The following GNG2 variants were observed in gnomAD, a reference collection of about 807,000 sequenced individuals.
GNG2 encodes the protein guanine nucleotide-binding protein G(I)/G(S)/G(O) subunit gamma-2.
Under a neutral mutation model 5.5 loss-of-function variants are expected in GNG2, and 5 were observed. The ratio of observed to expected loss-of-function variants is 0.91; its 90% CI spans 0.48 to 1.92. The LOEUF (loss-of-function observed/expected upper bound fraction) is 1.92. GNG2 is among the 30% of genes most tolerant of loss of function. GNG2 has a pLI of 0.01. For missense variants in GNG2, 55 were observed against 88.4 expected, an observed-to-expected ratio of 0.62 and a Z score of 1.52; for synonymous variants, 28 against 32.0, an observed-to-expected ratio of 0.88 and a Z score of 0.42.
At chr14:51,927,484 A>C (rs776569207) in intron 2 of GNG2, among the ~76,000 whole-genome samples, 16 of 152,376 alleles carry the variant, frequency 1.1e-4, no homozygotes, top group Non-Finnish European at 1.9e-4. Context: ...TTCTCTCTGA[A>C]AAACAAAAAA....
chr14:51,834,615 T>C (rs1160083760), intron 2 of GNG2, among the ~76,000 whole-genome samples: 1 of 152,230 alleles, frequency 6.6e-6, no homozygotes, highest in East Asian at 1.9e-4. Context: ...TGGGTAAGGA[T>C]AGGCACTTGC....
chr14:51,871,255 A>G (rs145086604), intron 1 of GNG2, among the ~76,000 whole-genome samples: 1 of 152,146 alleles, frequency 6.6e-6, no homozygotes, highest in Non-Finnish European at 1.5e-5. Context: ...TCTTTGGAAA[A>G]AAGTTGATAT....
intron 2 of GNG2, among the ~76,000 whole-genome samples, chr14:51,941,835 T>A (rs1455140820): frequency 1.3e-5 from 2 of 152,228 alleles, no homozygotes; most frequent in African/African-American, 2.4e-5. Context: ...ATGTTTCTTG[T>A]TGGTTGGGTG....
chr14:51,961,306 C>T (rs1049262934), intron 3 of GNG2, among the ~76,000 whole-genome samples: 1 of 151,988 alleles, frequency 6.6e-6, no homozygotes, highest in Non-Finnish European at 1.5e-5. Context: ...ATATTTTGTT[C>T]CCTGATTATT....
At chr14:51,900,574 C>T (rs1033555222) in intron 2 of GNG2, among the ~76,000 whole-genome samples, 1 of 149,002 alleles carries the variant, frequency 6.7e-6, no homozygotes, top group Non-Finnish European at 1.5e-5. Flanking sequence ...TCTAGTATGA[C>T]ATTGAAGGGC....
At chr14:51,933,978 A>G (rs1887813166) in intron 2 of GNG2, among the ~76,000 whole-genome samples, 1 of 152,206 alleles carries the variant, frequency 6.6e-6, no homozygotes, top group African/African-American at 2.4e-5. Flanking sequence ...ATATCTGTGA[A>G]TTTTAAATGA....
chr14:51,836,018 C>G (rs541403772), intron 2 of GNG2, among the ~76,000 whole-genome samples: 3 of 151,452 alleles, frequency 2.0e-5, no homozygotes, highest in Non-Finnish European at 4.4e-5. Context: ...ATTTATTTCT[C>G]ACAGTTTTGA....
In GNG2 at chr14:51,874,424, CAAA is replaced by C. The variant is rs71121671; in HGVS notation, c.-70-3177_-70-3175del. Among the ~76,000 whole-genome samples the C allele has an allele frequency of 1.9e-3, 184 of 95,746 alleles. 1 individual carries two copies. The highest frequency in any genetic ancestry group is 6.6e-3 in the African/African-American group (175 of 26,574). 62.8% of individuals were successfully genotyped at this position (95,746 alleles called of 152,430 possible). On this transcript the variant is annotated intron_variant, in intron 1 of 3. Transcript: ENST00000556766. ...TGGGTGACAGAGCGAGACTCTGTCTCAAAAAAAAAAAAAAAAAACAGTCTGGCT... is the reference window on the plus strand; with the variant it reads ...TGGGTGACAGAGCGAGACTCTGTCTCAAAAAAAAAAAAAAACAGTCTGGCT...
At position 51,843,988 on chromosome 14, in the gene GNG2, C is replaced by T. The variant is rs544169117; in HGVS notation, c.64+16181C>T. On this transcript the variant is annotated intron_variant, in intron 2 of 3. Coordinates refer to the GNG2 transcript ENST00000553432. ...TTGGTTTCCACCGTGGCTCTAAAGA[C>T]TCTTCTGGTGACTCAGGCAAAGGAA... 2.0e-4 allele frequency among the ~76,000 whole-genome samples: 30 copies of T among 152,342 alleles called. 2 individuals are homozygous for T. The East Asian group carries it at 5.8e-3, about 29-fold the overall frequency.
chr14:51,838,052 T>C (rs1394058030), intron 2 of GNG2, among the ~76,000 whole-genome samples: 1 of 152,112 alleles, frequency 6.6e-6, no homozygotes, highest in African/African-American at 2.4e-5. Context: ...CAAGCCCCAC[T>C]GACACTGAAA....
At chr14:51,918,237 G>A (rs1213834642) in intron 2 of GNG2, among the ~76,000 whole-genome samples, 2 of 152,114 alleles carry the variant, frequency 1.3e-5, no homozygotes, top group East Asian at 3.9e-4. Context: ...ATGTTACCAC[G>A]CTGTCTTCAT....
In GNG2 at chr14:51,901,493, T is replaced by A. The variant is rs542850911; in HGVS notation, c.-30+23836T>A. 3.3e-5 allele frequency among the ~76,000 whole-genome samples: 5 copies of A among 152,216 alleles called. No homozygotes were observed. In the South Asian group the frequency reaches 1.0e-3, roughly 32 times the overall value. On this transcript the variant is annotated intron_variant, in intron 2 of 3. Transcript: ENST00000556766. ...ACAGATGTGAGCCACCACGCCCAGC[T>A]GAGAAAGTATCTCTTTATTGAGATT... is the stretch of plus-strand genomic sequence containing the variant.
intron 2 of GNG2, among the ~76,000 whole-genome samples, chr14:51,852,553 AG>A (rs1881956360): frequency 6.6e-6 from 1 of 152,230 alleles, no homozygotes; most frequent in Non-Finnish European, 1.5e-5. Flanking sequence ...GGGGCAGGGG[AG>A]GGGTCCCTAG....
Position 51,945,367 on chromosome 14 carries a change from A to G in GNG2, c.-29-5283A>G, listed in dbSNP as rs1033632184. ...TTATTCAGCCTTAAAAAGGAAGGAC[A>G]TTCTGATAGGCTCAAGTGTGGATGA... On this transcript the variant is annotated intron_variant, in intron 2 of 3. Coordinates refer to ENST00000556766, the MANE Select transcript of GNG2 (RefSeq NM_053064.5). Among the ~76,000 whole-genome samples, 7 of 152,342 alleles carry G rather than the reference A, an allele frequency of 4.6e-5. No individual in the cohort carries two copies. In the East Asian group the frequency reaches 9.6e-4, roughly 21 times the overall value.
At chr14:51,920,340 T>C (rs1886941142) in intron 2 of GNG2, among the ~76,000 whole-genome samples, 2 of 151,386 alleles carry the variant, frequency 1.3e-5, no homozygotes, top group Admixed American at 1.3e-4. Flanking sequence ...AGATTATTTA[T>C]AATACCTAAT....
At chr14:51,926,602 G>T (rs1031263714) in intron 2 of GNG2, among the ~76,000 whole-genome samples, 1 of 152,144 alleles carries the variant, frequency 6.6e-6, no homozygotes, top group East Asian at 1.9e-4. Flanking sequence ...ACCGGCCTGC[G>T]CACTGGGCAG....
intron 3 of GNG2, among the ~76,000 whole-genome samples, chr14:51,964,709 G>A (rs867496291): frequency 6.6e-6 from 1 of 152,184 alleles, no homozygotes; most frequent in African/African-American, 2.4e-5. Context: ...TCATAAAGTT[G>A]AAGTAGCCTT....
chr14:51,859,412 G>A (rs563751697), upstream of GNG2, among the ~76,000 whole-genome samples: 3 of 152,300 alleles, frequency 2.0e-5, no homozygotes, highest in South Asian at 6.2e-4. Context: ...GTGAGGAATT[G>A]GAAAACCAAG....
upstream of GNG2, among the ~76,000 whole-genome samples, chr14:51,860,127 A>T (rs1327668437): frequency 6.6e-6 from 1 of 151,880 alleles, no homozygotes; most frequent in East Asian, 1.9e-4. Context: ...GCTCCCAGCT[A>T]GCTGGCTTGA....
Sources: allele counts gnomAD v4.1 joint callset (sites outside exome capture counted in the v4.1 genomes callset), GRCh38; gene constraint gnomAD v4.1.1; transcripts MANE v1.5; gene names NCBI Gene and HGNC (gene_info 2026-07-23, HGNC 2026-07-21).